The following CCDC14 variants were observed in gnomAD, a reference collection of about 807,000 sequenced individuals.
CCDC14 encodes coiled-coil domain-containing protein 14.
A neutral mutation model predicts 81.4 loss-of-function variants in CCDC14; 71 were observed. That is an observed-to-expected ratio of 0.87 (90% CI 0.72 to 1.06). The LOEUF is 1.06. Ranked by LOEUF, CCDC14 falls within the 50% of genes least tolerant of loss-of-function variation. CCDC14 has a pLI of 0.00. For synonymous variants in CCDC14, 332 were observed against 364.8 expected (o/e 0.91, Z 1.03); for missense variants, 1,046 against 1,047.3 (o/e 1.00, Z 0.02).
In CCDC14 at chr3:123,932,204, T is replaced by C. The variant is rs571758315; in HGVS notation, c.1427-678A>G. 1.2e-4 allele frequency among the ~76,000 whole-genome samples: 19 copies of C among 152,298 alleles called. No individual in the cohort carries two copies. The East Asian group carries it at 3.3e-3, about 26-fold the overall frequency. On this transcript the variant is annotated intron_variant, in intron 10 of 12. Coordinates refer to ENST00000409697, the MANE Select transcript of CCDC14 (RefSeq NM_001366335.1). ...AGAGCTGATAACAAACAAGTAATTATACACAGTAATGATCTCAAAGAAACA... is the reference window on the plus strand; with the variant it reads ...AGAGCTGATAACAAACAAGTAATTACACACAGTAATGATCTCAAAGAAACA...
At chr3:123,898,224 T>A (rs917682725) in intron 5 of CCDC14, among the ~76,000 whole-genome samples, 35 of 152,276 alleles carry the variant, frequency 2.3e-4, no homozygotes, top group African/African-American at 8.2e-4. Flanking sequence ...CAGATACAAG[T>A]GCGATAAATA....
At chr3:123,940,641 C>A (rs966793345) in intron 9 of CCDC14, among the ~76,000 whole-genome samples, 1 of 152,036 alleles carries the variant, frequency 6.6e-6, no homozygotes, top group African/African-American at 2.4e-5. Flanking sequence ...ACTGCATTCA[C>A]ACACTCTACC....
rs1347157391 is a variant in CCDC14, at chr3:123,914,100, T to G, written c.*679A>C. 2 of 985,784 alleles carry G rather than the reference T, an allele frequency of 2.0e-6. No individual in the cohort carries two copies. The highest frequency in any genetic ancestry group is 2.3e-4 in the East Asian group (2 of 8,816). The allele number at this position is 985,784 out of a possible 1,614,324, so 61.1% of individuals were successfully genotyped here. A position where few individuals can be genotyped will look rare whatever the true frequency, so the allele number is the denominator to read the frequency against. Reference sequence around the variant, plus strand: ...CAAATTTCCCCAACTATAGCTTATCTGTTAGCACTTCTTTATCAGTCTGAC... The same window carrying G: ...CAAATTTCCCCAACTATAGCTTATCGGTTAGCACTTCTTTATCAGTCTGAC... On this transcript the variant is annotated 3_prime_UTR_variant, in exon 13 of 13. Transcript: ENST00000409697.
Position 123,913,539 on chromosome 3 carries a change from T to A in CCDC14, c.*1240A>T. On this transcript the variant is annotated 3_prime_UTR_variant, in exon 13 of 13. Transcript: ENST00000409697. ...CATGAATACTAAATAAAATTAAAGA[T>A]GCTAATGGACTCTTGTGTGAAATAG... 2.0e-6 allele frequency: 2 copies of A among 980,816 alleles called. No individual in the cohort carries two copies. Among genetic ancestry groups the A allele is most frequent in the Non-Finnish European group, 2.4e-6 (2 of 825,868 alleles). The allele number at this position is 980,816 out of a possible 1,614,324, so 60.8% of individuals were successfully genotyped here.
At chr3:123,949,235 C>G in intron 5 of CCDC14, 103 bp from the exon 6 acceptor site, 1 of 658,550 alleles carries the variant, frequency 1.5e-6, no homozygotes, top group Non-Finnish European at 2.6e-6. Context: ...TCCAATCCAT[C>G]ACATACTTCA....
chr3:123,955,369 G>A (rs1417159602), intron 5 of CCDC14: 1 of 152,072 alleles, frequency 6.6e-6, no homozygotes, highest in Non-Finnish European at 1.5e-5. Context: ...CCAATCAGCA[G>A]CAGCCTTTCC....
At chr3:123,898,320 T>C (rs1427481123) in intron 5 of CCDC14, among the ~76,000 whole-genome samples, 1 of 152,274 alleles carries the variant, frequency 6.6e-6, no homozygotes, top group Non-Finnish European at 1.5e-5. Flanking sequence ...TGACACAGAA[T>C]AATTGTTCCA....
intron 5 of CCDC14, among the ~76,000 whole-genome samples, chr3:123,898,003 C>A (rs2034104510): frequency 6.6e-6 from 1 of 152,118 alleles, no homozygotes; most frequent in African/African-American, 2.4e-5. Context: ...AATCTATAGC[C>A]AAATGATATC....
Position 123,915,218 on chromosome 3 carries a change from G to T in CCDC14, c.2279C>A (p.Thr760Lys). The change falls in exon 13 of 13, where the codon ACA (threonine) becomes AAA (lysine). Residue 760 changes from threonine to lysine, a missense_variant. Coordinates refer to ENST00000409697, the MANE Select transcript of CCDC14 (RefSeq NM_001366335.1). Reference protein sequence around the residue: ...SPQPQIRAATTQLVSNSGLAV... With the variant: ...SPQPQIRAATKQLVSNSGLAV... ...AAGTCCGCTGTTGCTGACTAGCTGT[G>T]TTGTAGCTGCTCTTATTTGTGGCTG... is the stretch of plus-strand genomic sequence containing the variant. The T allele has an allele frequency of 6.2e-7, 1 of 1,613,742 alleles. No individual in the cohort carries two copies. The highest frequency in any genetic ancestry group is 8.5e-7 in the Non-Finnish European group (1 of 1,179,748).
chr3:123,915,803 G>T (rs2148784879), intron 12 of CCDC14, 85 bp from the exon 13 acceptor site: 2 of 1,033,560 alleles, frequency 1.9e-6, no homozygotes, highest in Non-Finnish European at 2.8e-6. Context: ...TTTAAAAAAA[G>T]GATTTGAGAG....
At chr3:123,938,820 AACCAAAACTGATTAGGC>A (rs1310452204) in intron 9 of CCDC14, among the ~76,000 whole-genome samples, 1 of 151,972 alleles carries the variant, frequency 6.6e-6, no homozygotes, top group African/African-American at 2.4e-5. Context: ...TAACAAGTGA[AACCAAAACTGATTAGGC>A]AAATATTTCT....
the CCDC14 span, among the ~76,000 whole-genome samples, chr3:123,888,073 A>T: frequency 7.9e-5 from 12 of 152,224 alleles, no homozygotes; most frequent in East Asian, 2.3e-3. Flanking sequence ...TTCCAAAAAA[A>T]AATAAAAAAT....
intron 12 of CCDC14, among the ~76,000 whole-genome samples, chr3:123,924,089 G>C (rs1254244421): frequency 6.6e-6 from 1 of 151,904 alleles, no homozygotes; most frequent in Non-Finnish European, 1.5e-5. Flanking sequence ...GCATGAACTG[G>C]CATAAAAACA....
chr3:123,927,213 TG>T (rs1448010707), intron 12 of CCDC14, among the ~76,000 whole-genome samples: 3 of 145,998 alleles, frequency 2.1e-5, no homozygotes, highest in Non-Finnish European at 4.5e-5. Flanking sequence ...CAAGACCAGC[TG>T]GGGCAACATG....
chr3:123,939,442 G>A (rs2036228682), intron 9 of CCDC14, among the ~76,000 whole-genome samples: 1 of 119,554 alleles, frequency 8.4e-6, no homozygotes, highest in Non-Finnish European at 1.8e-5. Context: ...TGCTGACACA[G>A]ATCTTTTTTT....
chr3:123,912,274 A>C (rs2034465663), downstream of CCDC14, among the ~76,000 whole-genome samples: 4 of 152,294 alleles, frequency 2.6e-5, no homozygotes, highest in South Asian at 8.3e-4. Flanking sequence ...GAAAGGGCTG[A>C]GAGGGCTGGG....
intron 1 of CCDC14, 58 bp from the exon 2 acceptor site, chr3:123,956,853 T>C: frequency 8.7e-7 from 1 of 1,144,382 alleles, no homozygotes; most frequent in Non-Finnish European, 1.2e-6. Context: ...ATTTTCAATA[T>C]GCTATCTTGA....
chr3:123,942,849 A>T (rs527338031), intron 9 of CCDC14, among the ~76,000 whole-genome samples: 28 of 152,188 alleles, frequency 1.8e-4, no homozygotes, highest in Admixed American at 5.9e-4. Flanking sequence ...ATATTTCAAG[A>T]TTAGATCCCT....
At chr3:123,886,620 T>C in the CCDC14 span, among the ~76,000 whole-genome samples, 1 of 152,036 alleles carries the variant, frequency 6.6e-6, no homozygotes, top group Admixed American at 6.6e-5. Context: ...ATAGTCTCAA[T>C]CTCTTGACCT....
Sources: allele counts gnomAD v4.1 joint callset (sites outside exome capture counted in the v4.1 genomes callset), GRCh38; gene constraint gnomAD v4.1.1; transcripts MANE v1.5; gene names NCBI Gene and HGNC (gene_info 2026-07-23, HGNC 2026-07-21).